The following ZNF428 variants were observed in gnomAD, a reference collection of about 807,000 sequenced individuals.
The protein encoded by ZNF428 is enzyme-like protein PIT13.
ZNF428 carries 5 observed loss-of-function variants against 15.6 expected under a neutral mutation model. The ratio of observed to expected loss-of-function variants is 0.32; its 90% confidence interval spans 0.17 to 0.67. The LOEUF (loss-of-function observed/expected upper bound fraction) is 0.67, where lower values mean the gene tolerates loss of function less well. Among genes scored for constraint, ZNF428 ranks in the 30% least tolerant of loss-of-function variants. ZNF428 has a pLI of 0.73. For synonymous variants in ZNF428, 97 were observed against 102.2 expected (o/e 0.95, Z 0.31); for missense variants, 237 against 256.0 (o/e 0.93, Z 0.51).
chr19:43,609,128 A>G (rs574296117), intron 2 of ZNF428, among the ~76,000 whole-genome samples: 1 of 152,114 alleles, frequency 6.6e-6, no homozygotes, highest in Admixed American at 6.6e-5. Flanking sequence ...TAAATCCTCA[A>G]CAACCCTTTG....
chr19:43,618,140 T>C (rs1973391788), intron 1 of ZNF428, among the ~76,000 whole-genome samples: 1 of 147,834 alleles, frequency 6.8e-6, no homozygotes, highest in Admixed American at 6.8e-5. Context: ...GTTCACGCCA[T>C]TCTCCTGCCT....
In ZNF428 at chr19:43,612,861, AGAT is replaced by A. The variant is rs1340903469; in HGVS notation, c.76+1365_76+1367del. 6.4e-7 allele frequency: 1 copy of A among 1,551,730 alleles called. No individual in the cohort carries two copies. The highest frequency in any genetic ancestry group is 1.2e-5 in the South Asian group (1 of 84,066). Reference sequence around the variant, plus strand: ...TCAAGGAAGGTGAAGAGCTACGGTCAGATGATCATCCCCAGTAGGGAAAAGAGT... The same window carrying A: ...TCAAGGAAGGTGAAGAGCTACGGTCAGATCATCCCCAGTAGGGAAAAGAGT... On this transcript the variant is annotated intron_variant, in intron 2 of 2. Coordinates refer to ENST00000300811, the MANE Select transcript of ZNF428 (RefSeq NM_182498.4). The surrounding 1 kb of genome is among the most constrained non-coding windows in gnomAD (Gnocchi z 4.2).
At position 43,612,359 on chromosome 19, in the gene ZNF428, A is replaced by G. The variant is rs1337076219; in HGVS notation, c.76+1870T>C. ...AAGAGCCCCTTCTAACCGGCCCAGC[A>G]GCAGGTCCCGAGTCCGCAGCAAAGC... is the stretch of plus-strand genomic sequence containing the variant. On this transcript the variant is annotated intron_variant, in intron 2 of 2. Transcript: ENST00000300811. This position sits in a 1 kb window ranked among gnomAD's most constrained non-coding sequence, Gnocchi z 4.2. 6.4e-7 allele frequency: 1 copy of G among 1,551,602 alleles called. No individual in the cohort carries two copies. The highest frequency in any genetic ancestry group is 2.4e-5 in the East Asian group (1 of 40,940).
intron 1 of ZNF428, among the ~76,000 whole-genome samples, chr19:43,618,535 G>A (rs942021467): frequency 4.2e-4 from 63 of 149,718 alleles, no homozygotes; most frequent in Admixed American, 2.7e-4. Context: ...GGGACTACAG[G>A]TATGCGCCAC....
chr19:43,616,954 C>T (rs776730239), intron 1 of ZNF428, among the ~76,000 whole-genome samples: 7 of 151,780 alleles, frequency 4.6e-5, no homozygotes, highest in Non-Finnish European at 7.4e-5. Context: ...CCACCATGCC[C>T]GGCTAATTTT....
At position 43,609,750 on chromosome 19, in the gene ZNF428, A is replaced by G. The variant is rs76299205; in HGVS notation, c.77-1643T>C. Among the ~76,000 whole-genome samples, 1,201 of 152,212 alleles carry G rather than the reference A, an allele frequency of 7.9e-3. 20 individuals carry two copies. The highest frequency in any genetic ancestry group is 0.027 in the African/African-American group (1,129 of 41,532). On this transcript the variant is annotated intron_variant, in intron 2 of 2. Transcript: ENST00000300811. ...GAGCAAGACTCCGTTCCCAAAAAAA[A>G]AAAAGAAAAGGGGAAAAATTTATAG...
chr19:43,607,823 G>C lies in ZNF428; in HGVS notation c.361C>G (p.Gln121Glu). Residue 121 changes from glutamine (Q) to glutamate (E), a missense_variant, in exon 3 of 3, where the codon CAG (glutamine) becomes GAG (glutamate). Transcript: ENST00000300811. This position sits in a 1 kb window ranked among gnomAD's most constrained non-coding sequence, Gnocchi z 5.1. Reference sequence around the variant, plus strand: ...CTGCCTTCAGGGGCTGGTGCTTCCTGGGGGGCTGTAGCAGGGCAGCAGAGC... The same window carrying C: ...CTGCCTTCAGGGGCTGGTGCTTCCTCGGGGGCTGTAGCAGGGCAGCAGAGC... ...CRLCCPATAP[Q>E]EAPAPEGRAL... The C allele has an allele frequency of 5.1e-6, 8 of 1,566,554 alleles. No individual in the cohort carries two copies. The highest frequency in any genetic ancestry group is 6.9e-6 in the Non-Finnish European group (8 of 1,155,538).
At chr19:43,609,850 C>T (rs1478766822) in intron 2 of ZNF428, among the ~76,000 whole-genome samples, 2 of 152,052 alleles carry the variant, frequency 1.3e-5, no homozygotes, top group Non-Finnish European at 2.9e-5. Flanking sequence ...GGGATGGGGT[C>T]CCTGTGACCA....
At chr19:43,613,290 G>C in intron 2 of ZNF428, 1 of 1,551,666 alleles carries the variant, frequency 6.4e-7, no homozygotes, top group Non-Finnish European at 8.7e-7. Context: ...AGTGGTCGCA[G>C]TCAATCAGGA....
Position 43,612,427 on chromosome 19 carries a change from A to AGCCAGCAAG in ZNF428, c.76+1793_76+1801dup. 1 of 1,551,060 alleles carries AGCCAGCAAG rather than the reference A, an allele frequency of 6.4e-7. No individual in the cohort carries two copies. Among genetic ancestry groups the AGCCAGCAAG allele is most frequent in the Non-Finnish European group, 8.7e-7 (1 of 1,146,802 alleles). On this transcript the variant is annotated intron_variant, in intron 2 of 2. Transcript: ENST00000300811. The surrounding 1 kb of genome is among the most constrained non-coding windows in gnomAD (Gnocchi z 4.2). ...TGAGCACCGACACCAGGACCAGCAA[A>AGCCAGCAAG]GCCAGCAAGGCCAGCGACGTGAGAT...
Position 43,612,100 on chromosome 19 carries a change from C to T in ZNF428, c.76+2129G>A, listed in dbSNP as rs919494345. On this transcript the variant is annotated intron_variant, in intron 2 of 2. Coordinates refer to ENST00000300811, the MANE Select transcript of ZNF428 (RefSeq NM_182498.4). This position sits in a 1 kb window ranked among gnomAD's most constrained non-coding sequence, Gnocchi z 4.2. Reference sequence around the variant, plus strand: ...TCATGTCTACTGTGACTTCCAGGACCACAAGCCCTTTTGCGCCCACCATGT... The same window carrying T: ...TCATGTCTACTGTGACTTCCAGGACTACAAGCCCTTTTGCGCCCACCATGT... 6.5e-7 allele frequency: 1 copy of T among 1,533,234 alleles called. No homozygotes were observed. The highest frequency in any genetic ancestry group is 8.8e-7 in the Non-Finnish European group (1 of 1,131,118). 95.0% of individuals were successfully genotyped at this position (1,533,234 alleles called of 1,614,324 possible).
At chr19:43,616,484 T>A (rs1183352789) in intron 1 of ZNF428, among the ~76,000 whole-genome samples, 1 of 152,138 alleles carries the variant, frequency 6.6e-6, no homozygotes, top group African/African-American at 2.4e-5. Flanking sequence ...ATCTCCTTTG[T>A]ACAGATGAGG....
chr19:43,611,334 T>C (rs1358028111), intron 2 of ZNF428, among the ~76,000 whole-genome samples: 1 of 151,892 alleles, frequency 6.6e-6, no homozygotes, highest in African/African-American at 2.4e-5. Context: ...CATTTTTTTT[T>C]TTTTCGAGAG....
intron 1 of ZNF428, among the ~76,000 whole-genome samples, chr19:43,616,720 A>T (rs1261781401): frequency 1.3e-5 from 2 of 151,912 alleles, no homozygotes; most frequent in Non-Finnish European, 2.9e-5. Flanking sequence ...CAGATGTTCC[A>T]GACCTCTCAT....
intron 2 of ZNF428, chr19:43,613,427 G>T: frequency 2.0e-6 from 3 of 1,528,630 alleles, no homozygotes; most frequent in Non-Finnish European, 2.7e-6. Flanking sequence ...CAAGGCGAGA[G>T]ATTGCAGCCG....
In ZNF428 at chr19:43,614,273, C is replaced by A. The variant is rs1032293779; in HGVS notation, c.32G>T (p.Gly11Val). 2 of 1,613,084 alleles carry A rather than the reference C, an allele frequency of 1.2e-6. No homozygotes were observed. Among genetic ancestry groups the A allele is most frequent in the Admixed American group, 3.3e-5 (2 of 59,958 alleles). The change falls in exon 2 of 3, where the codon GGG (glycine) becomes GTG (valine). Residue 11 changes from glycine (G) to valine (V), a missense_variant. Transcript: ENST00000300811. ...ATCTTCTTCCAAGCTGGCGTAGCCC[C>A]CAGTCTCAGCTGGCTCACGGGTCTC... is the stretch of plus-strand genomic sequence containing the variant. MTETREPAET[G>V]GYASLEEDDE...
intron 2 of ZNF428, among the ~76,000 whole-genome samples, chr19:43,609,878 G>A (rs183433993): frequency 6.6e-6 from 1 of 152,244 alleles, no homozygotes; most frequent in East Asian, 1.9e-4. Flanking sequence ...GGAAGTACCA[G>A]CTTCTTCGGC....
chr19:43,616,839 T>C (rs916117914), intron 1 of ZNF428, among the ~76,000 whole-genome samples: 5 of 143,838 alleles, frequency 3.5e-5, no homozygotes, highest in African/African-American at 1.3e-4. Context: ...TGAGATGGAG[T>C]CTCACTTTGT....
At chr19:43,613,176 G>A in intron 2 of ZNF428, 1 of 1,551,620 alleles carries the variant, frequency 6.4e-7, no homozygotes, top group Non-Finnish European at 8.7e-7. Context: ...AGAGGAAGAA[G>A]TCACAACTGG....
Sources: allele counts gnomAD v4.1 joint callset (sites outside exome capture counted in the v4.1 genomes callset), GRCh38; gene constraint gnomAD v4.1.1; non-coding constraint Gnocchi (gnomAD v3.1); transcripts MANE v1.5; gene names NCBI Gene and HGNC (gene_info 2026-07-23, HGNC 2026-07-21).